Variants in DMTN observed in about 807,000 individuals in gnomAD.
DMTN encodes the protein dematin actin binding protein.
A neutral mutation model predicts 59.4 loss-of-function variants in DMTN; 27 were observed. That is an observed-to-expected ratio of 0.45 (90% confidence interval 0.33 to 0.63). The LOEUF is 0.63. Ranked by LOEUF, DMTN falls within the 20% of genes least tolerant of loss-of-function variation. The probability of loss-of-function intolerance (pLI) is 0.02; values close to 1 mark genes in which losing one functional copy is unlikely to be tolerated. For missense variants in DMTN, 451 were observed against 528.9 expected (o/e 0.85, Z 1.45); for synonymous variants, 221 against 203.7 (o/e 1.08, Z -0.72).
At position 22,060,450 on chromosome 8, in the gene DMTN, C is replaced by T. The variant is rs1328353737; in HGVS notation, c.-172+3314C>T. 6.6e-6 allele frequency among the ~76,000 whole-genome samples: 1 copy of T among 152,118 alleles called. No individual in the cohort carries two copies. The highest frequency in any genetic ancestry group is 2.4e-5 in the African/African-American group (1 of 41,412). ...TCTCTCTCCCCCTCACACATGCGCA[C>T]GCACACACACATATACACACACTCT... On this transcript the variant is annotated intron_variant, in intron 1 of 15. Transcript: ENST00000358242. This position sits in a 1 kb window ranked among gnomAD's most constrained non-coding sequence, Gnocchi z 5.0.
Position 22,081,775 on chromosome 8 carries a change from G to A in DMTN, c.*312G>A, listed in dbSNP as rs1441505745. 9.6e-6 allele frequency: 5 copies of A among 522,118 alleles called. No homozygotes were observed. Among genetic ancestry groups the A allele is most frequent in the Non-Finnish European group, 1.8e-5 (5 of 272,498 alleles). 32.3% of individuals were successfully genotyped at this position (522,118 alleles called of 1,614,324 possible). On this transcript the variant is annotated 3_prime_UTR_variant, in exon 16 of 16. Transcript: ENST00000358242. The stretch of plus-strand genomic sequence containing the variant: ...CCCCAGAGGGTGAGGAGGAATGAGG[G>A]GCATTGGTGGTTAGGCCGGTTGGCT...
chr8:22,064,604 G>A (rs112567813), intron 1 of DMTN, among the ~76,000 whole-genome samples: 2,188 of 152,180 alleles, frequency 0.014, 25 homozygotes, highest in Middle Eastern at 0.037. Flanking sequence ...GACTACAGGC[G>A]CCCGCCACCA....
At chr8:22,061,187 GC>G (rs1220659843) in intron 1 of DMTN, among the ~76,000 whole-genome samples, 1 of 151,638 alleles carries the variant, frequency 6.6e-6, no homozygotes, top group Non-Finnish European at 1.5e-5. Flanking sequence ...GGAGACTGAG[GC>G]AGGAGAATGG....
chr8:22,059,722 C>T (rs974215826), intron 1 of DMTN, among the ~76,000 whole-genome samples: 1 of 152,160 alleles, frequency 6.6e-6, no homozygotes, highest in South Asian at 2.1e-4. Flanking sequence ...GTATGAAAGT[C>T]CCAAGTATAC....
upstream of DMTN, among the ~76,000 whole-genome samples, chr8:22,054,497 A>C (rs1044944268): frequency 6.6e-6 from 1 of 152,046 alleles, no homozygotes; most frequent in African/African-American, 2.4e-5. Flanking sequence ...GGGGCCTCTG[A>C]ACCCTGCCGG....
chr8:22,079,269 A>ATATATATATATATAT (rs1554562269), intron 10 of DMTN, among the ~76,000 whole-genome samples: 14 of 21,206 alleles, frequency 6.6e-4, no homozygotes, highest in African/African-American at 2.3e-3. Flanking sequence ...TAAATAAATA[A>ATATATATATATATAT]ATAAATAAAT....
chr8:22,079,709 C>T (rs956421748), intron 10 of DMTN, among the ~76,000 whole-genome samples: 1 of 151,802 alleles, frequency 6.6e-6, no homozygotes, highest in Non-Finnish European at 1.5e-5. Context: ...ATCTGTCCAC[C>T]TTGGCCTCCC....
intron 1 of DMTN, among the ~76,000 whole-genome samples, chr8:22,059,823 C>A (rs1192437707): frequency 6.6e-6 from 1 of 152,200 alleles, no homozygotes; most frequent in Non-Finnish European, 1.5e-5. Flanking sequence ...ATTCTGCCTG[C>A]GGAGGCTTCA....
intron 10 of DMTN, among the ~76,000 whole-genome samples, chr8:22,079,044 CA>C (rs1563536568): frequency 6.6e-6 from 1 of 151,032 alleles, no homozygotes; most frequent in Non-Finnish European, 1.5e-5. Flanking sequence ...GTGATCCACC[CA>C]CCTCGGCCTC....
chr8:22,082,017 G>C lies in DMTN; in HGVS notation c.*554G>C, dbSNP rs374223590. 2 of 456,882 alleles carry C rather than the reference G, an allele frequency of 4.4e-6. No homozygotes were observed. Among genetic ancestry groups the C allele is most frequent in the Middle Eastern group, 3.2e-4 (1 of 3,078 alleles). The allele number at this position is 456,882 out of a possible 1,614,324, so 28.3% of individuals were successfully genotyped here. A position where few individuals can be genotyped will look rare whatever the true frequency, so the allele number is the denominator to read the frequency against. On this transcript the variant is annotated 3_prime_UTR_variant, in exon 16 of 16. Coordinates refer to ENST00000358242, the MANE Select transcript of DMTN (RefSeq NM_001387751.1). ...CTTCAGCTTGCCCTGACCTCCGCTC[G>C]CAAACCCCGAGCTTCCAAGCCTTTT...
intron 10 of DMTN, among the ~76,000 whole-genome samples, chr8:22,077,615 A>G (rs1401105706): frequency 6.6e-6 from 1 of 152,222 alleles, no homozygotes; most frequent in Admixed American, 6.5e-5. Context: ...TCTTCTGTTC[A>G]GCCCAGATTA....
Position 22,080,600 on chromosome 8 carries a change from G to A in DMTN, c.950-18G>A, listed in dbSNP as rs200769196. 1.2e-6 allele frequency: 2 copies of A among 1,610,404 alleles called. No individual in the cohort carries two copies. The highest frequency in any genetic ancestry group is 8.5e-7 in the Non-Finnish European group (1 of 1,178,290). ...GACCTCAGAGCTGCATCTGACCCATGCCCCTTCTCTCCCGCAGGCCTGCAG... is the reference window on the plus strand; with the variant it reads ...GACCTCAGAGCTGCATCTGACCCATACCCCTTCTCTCCCGCAGGCCTGCAG... On this transcript the variant is annotated intron_variant, in intron 12 of 15. Coordinates refer to ENST00000358242, the MANE Select transcript of DMTN (RefSeq NM_001387751.1).
intron 14 of DMTN, 21 bp from the exon 15 acceptor site, chr8:22,081,092 T>TTGGGGGGGGGGGGGGG: frequency 6.5e-7 from 1 of 1,547,318 alleles, no homozygotes; most frequent in Non-Finnish European, 8.9e-7. Context: ...AGCCTAAGAT[T>TTGGGGGGGGGGGGGGG]GCCCCTCCCC....
At chr8:22,064,077 C>T (rs1031600817) in intron 1 of DMTN, among the ~76,000 whole-genome samples, 1 of 151,152 alleles carries the variant, frequency 6.6e-6, no homozygotes, top group Admixed American at 6.6e-5. Flanking sequence ...TGGATGGATG[C>T]AGGGATGCAG....
chr8:22,065,675 G>A (rs1476090803), intron 1 of DMTN, among the ~76,000 whole-genome samples: 1 of 151,940 alleles, frequency 6.6e-6, no homozygotes, highest in Non-Finnish European at 1.5e-5. Flanking sequence ...AAACCCCATC[G>A]CTACTGAAAA....
upstream of DMTN, among the ~76,000 whole-genome samples, chr8:22,051,502 C>T (rs1370286355): frequency 6.6e-6 from 1 of 152,160 alleles, no homozygotes; most frequent in Non-Finnish European, 1.5e-5. Context: ...CAGCCCCAAG[C>T]GCTTGCTATG....
rs1554536737 is a variant in DMTN, at chr8:22,060,411, T to TCA, written c.-172+3276_-172+3277insAC. 7.0e-6 allele frequency among the ~76,000 whole-genome samples: 1 copy of TCA among 142,664 alleles called. No individual in the cohort carries two copies. Among genetic ancestry groups the TCA allele is most frequent in the African/African-American group, 2.7e-5 (1 of 36,664 alleles). The allele number at this position is 142,664 out of a possible 152,430, so 93.6% of individuals were successfully genotyped here. ...CTCTCTCTCTTTCTCTCTTTCTGTC[T>TCA]CGCTCTCTCTCTCTCTCTCTCCCCC... On this transcript the variant is annotated intron_variant, in intron 1 of 15. Coordinates refer to ENST00000358242, the MANE Select transcript of DMTN (RefSeq NM_001387751.1). The surrounding 1 kb of genome is among the most constrained non-coding windows in gnomAD (Gnocchi z 5.0).
At chr8:22,052,084 C>G (rs1210353844), upstream of DMTN, among the ~76,000 whole-genome samples, 1 of 152,216 alleles carries the variant, frequency 6.6e-6, no homozygotes, top group African/African-American at 2.4e-5. Context: ...ACACCCAGAC[C>G]GCAGGCTCCT....
At chr8:22,068,204 G>T (rs992840971) in intron 4 of DMTN, among the ~76,000 whole-genome samples, 1 of 152,198 alleles carries the variant, frequency 6.6e-6, no homozygotes, top group South Asian at 2.1e-4. Context: ...GATAAACCCC[G>T]ACCTCATCCT....
Sources: allele counts gnomAD v4.1 joint callset (sites outside exome capture counted in the v4.1 genomes callset), GRCh38; gene constraint gnomAD v4.1.1; non-coding constraint Gnocchi (gnomAD v3.1); transcripts MANE v1.5; gene names NCBI Gene and HGNC (gene_info 2026-07-23, HGNC 2026-07-21).